Variants in SRPRB observed in about 807,000 individuals in gnomAD.
The protein encoded by SRPRB is SRP receptor subunit beta, also known as signal recognition particle receptor subunit beta.
In SRPRB, 20 loss-of-function variants were observed where a neutral mutation model predicts 31.9. The ratio of observed to expected loss-of-function variants is 0.63; its 90% confidence interval spans 0.44 to 0.91. The LOEUF is 0.91. Ranked by LOEUF, SRPRB falls within the 40% of genes least tolerant of loss-of-function variation. The pLI, the probability that SRPRB is intolerant of heterozygous loss-of-function variation, is 0.00. For missense variants in SRPRB, 321 were observed against 324.9 expected (o/e 0.99, Z 0.09); for synonymous variants, 146 against 132.8 (o/e 1.10, Z -0.68).
At chr3:133,784,484 AAT>A (rs1934605358) in intron 1 of SRPRB, 2 of 139,340 alleles carry the variant, frequency 1.4e-5, no homozygotes, top group African/African-American at 5.5e-5. Context: ...TAATAATAAT[AAT>A]AATAATAATA....
chr3:133,818,232 T>C (rs1171027175), intron 6 of SRPRB, among the ~76,000 whole-genome samples: 1 of 152,228 alleles, frequency 6.6e-6, no homozygotes, highest in Non-Finnish European at 1.5e-5. Context: ...CATAATGTTA[T>C]TTGTGAATCA....
intron 4 of SRPRB, among the ~76,000 whole-genome samples, chr3:133,814,436 TTTTG>T (rs1290228382): frequency 1.1e-4 from 15 of 142,678 alleles, no homozygotes; most frequent in Non-Finnish European, 1.5e-4. Flanking sequence ...TGGCCGGTTT[TTTTG>T]TTTTTTTGTT....
chr3:133,806,077 G>C (rs1935151728), intron 1 of SRPRB, 75 bp downstream of exon 1: 5 of 1,542,336 alleles, frequency 3.2e-6, no homozygotes, highest in Admixed American at 3.9e-5. Context: ...GCTGCAGGCC[G>C]GGGACGCGGG....
intron 3 of SRPRB, among the ~76,000 whole-genome samples, chr3:133,809,966 T>C (rs1935229659): frequency 6.6e-6 from 1 of 152,200 alleles, no homozygotes. Flanking sequence ...ATATTTCTAC[T>C]GAATATATAG....
chr3:133,805,839 C>A lies in SRPRB; in HGVS notation c.-10C>A. On this transcript the variant is annotated 5_prime_UTR_variant, in exon 1 of 7. Coordinates refer to ENST00000678299, the MANE Select transcript of SRPRB (RefSeq NM_001379313.1). ...CGCTTTTGCTGTACCGGGGACCACG[C>A]GTCTCATCCATGGCTTCCGCGGACT... 1 of 1,603,858 alleles carries A rather than the reference C, an allele frequency of 6.2e-7. No individual in the cohort carries two copies. Among genetic ancestry groups the A allele is most frequent in the Non-Finnish European group, 8.5e-7 (1 of 1,175,108 alleles).
chr3:133,816,987 A>G, intron 6 of SRPRB, 55 bp downstream of exon 6: 1 of 1,397,714 alleles, frequency 7.2e-7, no homozygotes, highest in South Asian at 1.3e-5. Context: ...TTAGACTGTA[A>G]GCAGCATATT....
rs766067719 is a variant in SRPRB at position 133,805,857 on chromosome 3, C to T, written c.9C>T (p.Ser3=). The change falls in exon 1 of 7, where the codon TCC becomes TCT. Residue 3 remains serine, a synonymous_variant. Transcript: ENST00000678299. MA[S]ADSRRVADGG... Reference sequence around the variant, plus strand: ...GACCACGCGTCTCATCCATGGCTTCCGCGGACTCGCGCCGGGTGGCAGATG... The same window carrying T: ...GACCACGCGTCTCATCCATGGCTTCTGCGGACTCGCGCCGGGTGGCAGATG... The T allele has an allele frequency of 1.2e-6, 2 of 1,610,076 alleles. No individual in the cohort carries two copies. Among genetic ancestry groups the T allele is most frequent in the African/African-American group, 2.7e-5 (2 of 74,882 alleles).
At position 133,815,642 on chromosome 3, in the gene SRPRB, G is replaced by A; in HGVS notation, c.463G>A (p.Val155Met). The A allele has an allele frequency of 3.1e-6, 5 of 1,613,998 alleles. No individual in the cohort carries two copies. The highest frequency in any genetic ancestry group is 4.2e-6 in the Non-Finnish European group (5 of 1,179,996). Residue 155 changes from valine (V) to methionine (M), a missense_variant, in exon 5 of 7, where the codon GTG becomes ATG. Val to Met is a conservative substitution (Grantham distance 21, BLOSUM62 1). Transcript: ENST00000678299. ...AGCATTCCAGCGAGAGGTGAAAGAT[G>A]TGGCTGAGTTTCTGTATCAAGTCCT... ...SAAFQREVKD[V>M]AEFLYQVLID...
chr3:133,799,927 G>A (rs138296078), intron 1 of SRPRB, among the ~76,000 whole-genome samples: 3 of 152,216 alleles, frequency 2.0e-5, no homozygotes, highest in East Asian at 1.9e-4. Context: ...TCACTGTAAC[G>A]CCAGCATGTG....
At chr3:133,810,491 G>A (rs995550201) in intron 3 of SRPRB, 1 of 152,194 alleles carries the variant, frequency 6.6e-6, no homozygotes, top group African/African-American at 2.4e-5. Context: ...AACTTATTAG[G>A]GTGCATCGTA....
intron 1 of SRPRB, among the ~76,000 whole-genome samples, chr3:133,800,466 C>A (rs1187076007): frequency 6.6e-6 from 1 of 152,202 alleles, no homozygotes; most frequent in Non-Finnish European, 1.5e-5. Context: ...CCTTTCTCCC[C>A]TTCCATCCTT....
chr3:133,791,939 A>T (rs1015844097), intron 1 of SRPRB: 1 of 152,208 alleles, frequency 6.6e-6, no homozygotes, highest in Non-Finnish European at 1.5e-5. Context: ...AATGCCTTCT[A>T]TTTACTTCAT....
upstream of SRPRB, among the ~76,000 whole-genome samples, chr3:133,804,095 C>CAAAAAAAAAAAAA (rs1205426598): frequency 3.4e-5 from 2 of 58,226 alleles, no homozygotes; most frequent in Non-Finnish European, 6.6e-5. Flanking sequence ...GACTCTGTCT[C>CAAAAAAAAAAAAA]AAAAAAAAAA....
chr3:133,822,126 T>C (rs992142196), downstream of SRPRB, among the ~76,000 whole-genome samples: 1 of 151,892 alleles, frequency 6.6e-6, no homozygotes, highest in African/African-American at 2.4e-5. Context: ...GATGGGCAGG[T>C]GTGGCCAGAG....
intron 3 of SRPRB, among the ~76,000 whole-genome samples, chr3:133,808,883 A>T (rs1935209968): frequency 7.2e-6 from 1 of 138,660 alleles, no homozygotes. Context: ...GAGCGAGACT[A>T]AGTCTCAAAA....
intron 4 of SRPRB, among the ~76,000 whole-genome samples, chr3:133,813,342 T>A (rs1321318680): frequency 6.6e-6 from 1 of 152,232 alleles, no homozygotes; most frequent in East Asian, 1.9e-4. Flanking sequence ...CACTCTGGAA[T>A]TCTTATGAAT....
intron 5 of SRPRB, among the ~76,000 whole-genome samples, chr3:133,816,192 G>A (rs530550684): frequency 3.3e-5 from 5 of 152,272 alleles, no homozygotes; most frequent in East Asian, 1.9e-4. Context: ...CTTCAGTTCC[G>A]TTACCTGTAC....
intron 5 of SRPRB, among the ~76,000 whole-genome samples, chr3:133,816,265 G>T (rs185545023): frequency 2.6e-5 from 4 of 152,308 alleles, no homozygotes; most frequent in Admixed American, 2.6e-4. Flanking sequence ...ATTCTATGAA[G>T]AGTTCAAGGC....
chr3:133,805,956 G>C lies in SRPRB; in HGVS notation c.108G>C (p.Thr36=), dbSNP rs199842485. Residue 36 remains threonine, a synonymous_variant, in exon 1 of 7, where the codon ACG becomes ACC. Coordinates refer to ENST00000678299, the MANE Select transcript of SRPRB (RefSeq NM_001379313.1). Reference sequence around the variant, plus strand: ...AGGAGCTGCAGCAGACGGACCCAACGCTGTTGTCAGTAGTGGTGGCGGTTC... The same window carrying C: ...AGGAGCTGCAGCAGACGGACCCAACCCTGTTGTCAGTAGTGGTGGCGGTTC... ...LRQELQQTDP[T]LLSVVVAVLA... is the part of the protein sequence containing the mutation. 5.6e-6 allele frequency: 9 copies of C among 1,613,670 alleles called. No homozygotes were observed. In the African/African-American group the frequency reaches 9.3e-5, roughly 17 times the overall value.
Sources: allele counts gnomAD v4.1 joint callset (sites outside exome capture counted in the v4.1 genomes callset), GRCh38; gene constraint gnomAD v4.1.1; transcripts MANE v1.5; gene names NCBI Gene and HGNC (gene_info 2026-07-23, HGNC 2026-07-21).